The following WDR41 variants were observed in gnomAD, a reference collection of about 807,000 sequenced individuals.
WDR41 encodes the protein WD repeat-containing protein 41.
Under a neutral mutation model 69.3 loss-of-function variants are expected in WDR41, and 63 were observed. The observed-to-expected ratio is 0.91, with a 90% CI of 0.74 to 1.12. The LOEUF (loss-of-function observed/expected upper bound fraction) is 1.12. Ranked by LOEUF, WDR41 falls within the 50% of genes most tolerant of loss-of-function variation. WDR41 has a pLI of 0.00. For synonymous variants in WDR41, 185 were observed against 192.1 expected (o/e 0.96, Z 0.31); for missense variants, 543 against 534.5 (o/e 1.02, Z -0.16).
intron 2 of WDR41, among the ~76,000 whole-genome samples, chr5:77,474,963 C>T (rs988832261): frequency 1.1e-4 from 16 of 152,250 alleles, no homozygotes; most frequent in Non-Finnish European, 2.2e-4. Context: ...GTGCGTGCAC[C>T]GTGCGCGAGC....
upstream of WDR41, among the ~76,000 whole-genome samples, chr5:77,492,821 A>G (rs1451292815): frequency 6.6e-6 from 1 of 152,218 alleles, no homozygotes; most frequent in African/African-American, 2.4e-5. Flanking sequence ...CTACTGTGCT[A>G]AGGCTTTACA....
At chr5:77,534,480 C>T (rs757370795) in intron 1 of WDR41, among the ~76,000 whole-genome samples, 18 of 152,096 alleles carry the variant, frequency 1.2e-4, no homozygotes, top group Non-Finnish European at 2.2e-4. Flanking sequence ...GTCACCCAGG[C>T]TGGAGTGCAG....
At position 77,604,812 on chromosome 5, in the gene WDR41, T is replaced by A. The variant is rs189741202; in HGVS notation, c.42+15667A>T. 5.3e-5 allele frequency among the ~76,000 whole-genome samples: 8 copies of A among 152,094 alleles called. No homozygotes were observed. The East Asian group carries it at 1.4e-3, about 26-fold the overall frequency. On this transcript the variant is annotated intron_variant, in intron 1 of 5. Transcript: ENST00000509971. ...AAATACTACATAACTTTAAAAAAAA[T>A]GAGAAAGCTCTTTATGTACTGAGGT... is the stretch of plus-strand genomic sequence containing the variant.
At position 77,440,499 on chromosome 5, in the gene WDR41, ACT is replaced by A. The variant is rs3839277; in HGVS notation, c.882+312_882+313del. Reference sequence around the variant, plus strand: ...GGAAATGTGTCAGATCTTCAAAAGAACTCTTTTTCACAGTGTTTCTTAAAACA... The same window carrying A: ...GGAAATGTGTCAGATCTTCAAAAGAACTTTTTCACAGTGTTTCTTAAAACA... On this transcript the variant is annotated intron_variant, in intron 9 of 12. Coordinates refer to ENST00000296679, the MANE Select transcript of WDR41 (RefSeq NM_018268.4). Among the ~76,000 whole-genome samples the A allele has an allele frequency of 6.8e-4, 104 of 152,198 alleles. 1 individual carries two copies. The East Asian group carries it at 0.011, about 16-fold the overall frequency.
At chr5:77,467,331 T>C (rs1800350348) in intron 2 of WDR41, among the ~76,000 whole-genome samples, 1 of 151,946 alleles carries the variant, frequency 6.6e-6, no homozygotes, top group Non-Finnish European at 1.5e-5. Flanking sequence ...AAAAAATGTA[T>C]TCAGTGTGAT....
intron 1 of WDR41, among the ~76,000 whole-genome samples, chr5:77,513,752 T>A (rs1402318979): frequency 6.6e-6 from 1 of 152,202 alleles, no homozygotes; most frequent in African/African-American, 2.4e-5. Context: ...CTTTTAAGCC[T>A]GCTTTTTAAA....
intron 1 of WDR41, among the ~76,000 whole-genome samples, chr5:77,503,221 C>T (rs1299565925): frequency 6.8e-6 from 1 of 147,792 alleles, no homozygotes; most frequent in Non-Finnish European, 1.5e-5. Flanking sequence ...GCAGGAGTTG[C>T]CATCCTAGTC....
chr5:77,592,245 C>T (rs1234135374), intron 1 of WDR41, among the ~76,000 whole-genome samples: 1 of 152,098 alleles, frequency 6.6e-6, no homozygotes, highest in African/African-American at 2.4e-5. Flanking sequence ...GCACTATAAG[C>T]AGCATATAGT....
At chr5:77,577,225 C>T (rs1480005553) in intron 1 of WDR41, among the ~76,000 whole-genome samples, 6 of 152,022 alleles carry the variant, frequency 3.9e-5, no homozygotes. Context: ...AATAAATTCA[C>T]AATCCATATA....
At chr5:77,513,694 C>A (rs6879237) in intron 1 of WDR41, among the ~76,000 whole-genome samples, 22,098 of 152,026 alleles carry the variant, frequency 0.15, 1,934 homozygotes, top group Middle Eastern at 0.29. Flanking sequence ...ATGTTTTAAC[C>A]GAACAATTTC....
At chr5:77,505,326 T>G (rs909626804) in intron 1 of WDR41, among the ~76,000 whole-genome samples, 3 of 152,124 alleles carry the variant, frequency 2.0e-5, no homozygotes, top group East Asian at 1.9e-4. Flanking sequence ...ACAAGGGATG[T>G]GAAGGACCTC....
intron 1 of WDR41, among the ~76,000 whole-genome samples, chr5:77,581,103 T>C (rs1743931761): frequency 1.3e-5 from 2 of 152,066 alleles, no homozygotes; most frequent in Admixed American, 1.3e-4. Context: ...AAATATGATC[T>C]ACAGGAGACA....
intron 1 of WDR41, among the ~76,000 whole-genome samples, chr5:77,512,825 CT>C (rs1802231059): frequency 6.6e-6 from 1 of 150,846 alleles, no homozygotes; most frequent in African/African-American, 2.4e-5. Context: ...ATTCTGAACA[CT>C]GAAATCAAAT....
Position 77,431,988 on chromosome 5 carries a change from T to G in WDR41, c.*1147A>C, listed in dbSNP as rs1488512124. 1 of 152,232 alleles carries G rather than the reference T, an allele frequency of 6.6e-6. No homozygotes were observed. Among genetic ancestry groups the G allele is most frequent in the Non-Finnish European group, 1.5e-5 (1 of 68,046 alleles). 9.4% of individuals were successfully genotyped at this position (152,232 alleles called of 1,614,324 possible). On this transcript the variant is annotated 3_prime_UTR_variant, in exon 13 of 13. Coordinates refer to ENST00000296679, the MANE Select transcript of WDR41 (RefSeq NM_018268.4). ...CTGCACTGGGCCTCAGTTTCCTCAT[T>G]TGTAACATTATGCCACTGGTCTACT...
At chr5:77,591,774 A>T (rs1435573403) in intron 1 of WDR41, among the ~76,000 whole-genome samples, 1 of 152,092 alleles carries the variant, frequency 6.6e-6, no homozygotes, top group African/African-American at 2.4e-5. Flanking sequence ...GATTTCAGTC[A>T]TTTGATATTT....
intron 4 of WDR41, among the ~76,000 whole-genome samples, chr5:77,460,922 T>G (rs1213233020): frequency 6.6e-6 from 1 of 152,260 alleles, no homozygotes; most frequent in East Asian, 1.9e-4. Flanking sequence ...AGAGTAAATT[T>G]AGAATTCATT....
chr5:77,605,208 C>T (rs1744393478), intron 1 of WDR41, among the ~76,000 whole-genome samples: 1 of 152,180 alleles, frequency 6.6e-6, no homozygotes, highest in Non-Finnish European at 1.5e-5. Context: ...CTCGTCTGAC[C>T]TGGACAGTTT....
upstream of WDR41, among the ~76,000 whole-genome samples, chr5:77,493,439 A>T (rs1479942246): frequency 6.6e-6 from 1 of 152,208 alleles, no homozygotes; most frequent in African/African-American, 2.4e-5. Context: ...GGGACAAGGC[A>T]TAATGTCCCA....
chr5:77,475,328 G>C (rs1800856950), intron 2 of WDR41, among the ~76,000 whole-genome samples: 1 of 152,172 alleles, frequency 6.6e-6, no homozygotes, highest in African/African-American at 2.4e-5. Flanking sequence ...GCTCAAGGAG[G>C]CCTGCCTGCC....
Sources: allele counts gnomAD v4.1 joint callset (sites outside exome capture counted in the v4.1 genomes callset), GRCh38; gene constraint gnomAD v4.1.1; transcripts MANE v1.5; gene names NCBI Gene and HGNC (gene_info 2026-07-23, HGNC 2026-07-21).